Variants in GALNT13 observed in about 807,000 individuals in gnomAD.
The protein encoded by GALNT13 is UDP-GalNAc:polypeptide N-acetylgalactosaminyltransferase 13.
Under a neutral mutation model 64.2 loss-of-function variants are expected in GALNT13, and 28 were observed. The observed-to-expected ratio is 0.44, with a 90% CI of 0.32 to 0.60. GALNT13 has a LOEUF of 0.60. GALNT13 is among the 20% of genes least tolerant of loss of function. GALNT13 has a pLI of 0.05. For missense variants in GALNT13, 577 were observed against 669.8 expected (o/e 0.86, Z 1.53); for synonymous variants, 214 against 224.6 (o/e 0.95, Z 0.42).
At chr2:153,544,227 T>A in the GALNT13 span, among the ~76,000 whole-genome samples, 1 of 152,332 alleles carries the variant, frequency 6.6e-6, no homozygotes, top group East Asian at 1.9e-4. Flanking sequence ...GAATATACGG[T>A]TGCTGCATGA....
intron 8 of GALNT13, among the ~76,000 whole-genome samples, chr2:154,265,060 G>A (rs915969059): frequency 6.6e-6 from 1 of 151,412 alleles, no homozygotes; most frequent in Non-Finnish European, 1.5e-5. Flanking sequence ...GCCAAATATG[G>A]GAAAAATAGA....
intron 3 of GALNT13, among the ~76,000 whole-genome samples, chr2:154,026,594 A>G (rs1032423317): frequency 6.6e-6 from 1 of 152,172 alleles, no homozygotes; most frequent in African/African-American, 2.4e-5. Flanking sequence ...TGCAGTGGTC[A>G]CTTTTTCTCT....
chr2:153,266,673 C>T, the GALNT13 span, among the ~76,000 whole-genome samples: 1 of 152,128 alleles, frequency 6.6e-6, no homozygotes. Context: ...ATGGGGAAAA[C>T]TGCCCCCATG....
At chr2:153,686,478 G>C in the GALNT13 span, among the ~76,000 whole-genome samples, 1 of 151,854 alleles carries the variant, frequency 6.6e-6, no homozygotes, top group East Asian at 1.9e-4. Context: ...AGTGATTTTT[G>C]CACATTGATT....
intron 12 of GALNT13, among the ~76,000 whole-genome samples, chr2:154,450,123 T>C (rs1268987430): frequency 6.6e-6 from 1 of 152,030 alleles, no homozygotes; most frequent in African/African-American, 2.4e-5. Context: ...AGCTCACAAA[T>C]GGGCTTTTTG....
At position 154,014,406 on chromosome 2, in the gene GALNT13, C is replaced by T. The variant is rs373105381; in HGVS notation, c.142+69767C>T. The stretch of plus-strand genomic sequence containing the variant: ...TATTCACTGGGGGCCAGGAGTGGGT[C>T]ACAGGGCTCAACAGCCCCATGCAGG... On this transcript the variant is annotated intron_variant, in intron 3 of 12. Coordinates refer to ENST00000392825, the MANE Select transcript of GALNT13 (RefSeq NM_052917.4). 7.2e-5 allele frequency among the ~76,000 whole-genome samples: 11 copies of T among 152,006 alleles called. 1 individual carries two copies. The South Asian group carries it at 2.1e-3, about 29-fold the overall frequency.
intron 2 of GALNT13, among the ~76,000 whole-genome samples, chr2:153,925,498 C>CTTTTTT (rs35443709): frequency 1.7e-5 from 2 of 117,656 alleles, no homozygotes; most frequent in Non-Finnish European, 3.5e-5. Context: ...AAGCCTCGAG[C>CTTTTTT]TTTTTTTTTT....
chr2:154,388,259 A>C (rs1164473565), intron 9 of GALNT13, among the ~76,000 whole-genome samples: 1 of 152,078 alleles, frequency 6.6e-6, no homozygotes, highest in Non-Finnish European at 1.5e-5. Context: ...ATTTTTAATC[A>C]GGTGTTCTCT....
chr2:153,216,781 A>G, the GALNT13 span, among the ~76,000 whole-genome samples: 1 of 151,956 alleles, frequency 6.6e-6, no homozygotes, highest in African/African-American at 2.4e-5. Flanking sequence ...TATGTCTTTC[A>G]TGGAAAAAAG....
the GALNT13 span, among the ~76,000 whole-genome samples, chr2:153,622,625 G>T: frequency 6.6e-6 from 1 of 152,096 alleles, no homozygotes; most frequent in African/African-American, 2.4e-5. Context: ...TAGAAAAGGA[G>T]TTCAAATATT....
At chr2:153,495,117 A>G in the GALNT13 span, among the ~76,000 whole-genome samples, 1,755 of 152,158 alleles carry the variant, frequency 0.012, 18 homozygotes, top group Non-Finnish European at 0.02. Flanking sequence ...CCCTTTTATT[A>G]CAATGACTAA....
intron 4 of GALNT13, among the ~76,000 whole-genome samples, chr2:154,167,301 C>T (rs1685084947): frequency 6.6e-6 from 1 of 152,074 alleles, no homozygotes; most frequent in African/African-American, 2.4e-5. Context: ...ACAGAAAACA[C>T]CTTGTATATT....
At chr2:153,564,012 C>A in the GALNT13 span, among the ~76,000 whole-genome samples, 1 of 151,992 alleles carries the variant, frequency 6.6e-6, no homozygotes, top group Admixed American at 6.6e-5. Context: ...TGGTGGGTTA[C>A]TTATGGTTTC....
the GALNT13 span, among the ~76,000 whole-genome samples, chr2:153,418,400 T>C: frequency 1.3e-5 from 2 of 152,150 alleles, no homozygotes; most frequent in Non-Finnish European, 2.9e-5. Context: ...CTAAGTTTGT[T>C]GTAATTTGCC....
At position 154,204,999 on chromosome 2, in the gene GALNT13, A is replaced by AT. The variant is rs1353114310; in HGVS notation, c.312-37029dup. ...CTCAGCATATGTCCCATATGTGTAA[A>AT]TTGAATGAGTGATGGATGAATGGGT... On this transcript the variant is annotated intron_variant, in intron 4 of 12. Coordinates refer to ENST00000392825, the MANE Select transcript of GALNT13 (RefSeq NM_052917.4). 3.9e-5 allele frequency among the ~76,000 whole-genome samples: 6 copies of AT among 152,316 alleles called. No homozygotes were observed. In the East Asian group the frequency reaches 1.2e-3, roughly 29 times the overall value.
chr2:154,027,782 A>G (rs1412843404), intron 3 of GALNT13, among the ~76,000 whole-genome samples: 1 of 152,266 alleles, frequency 6.6e-6, no homozygotes, highest in East Asian at 1.9e-4. Flanking sequence ...ATATATCTCC[A>G]GGTATTTTCA....
intron 3 of GALNT13, 110 bp from the exon 4 acceptor site, chr2:154,140,227 A>T: frequency 1.3e-6 from 1 of 741,730 alleles, no homozygotes; most frequent in Non-Finnish European, 2.2e-6. Flanking sequence ...ATATTATAAA[A>T]CCTGTATGTA....
At chr2:153,995,072 C>A (rs993343742) in intron 3 of GALNT13, among the ~76,000 whole-genome samples, 3 of 150,408 alleles carry the variant, frequency 2.0e-5, no homozygotes, top group Non-Finnish European at 4.4e-5. Flanking sequence ...AAGATTTAAG[C>A]TTTCTTAGAT....
chr2:153,120,591 A>G, the GALNT13 span, among the ~76,000 whole-genome samples: 3 of 152,362 alleles, frequency 2.0e-5, 1 homozygote, highest in African/African-American at 4.8e-5. Context: ...CAAGATAACT[A>G]TGATCAAATA....
Sources: allele counts gnomAD v4.1 joint callset (sites outside exome capture counted in the v4.1 genomes callset), GRCh38; gene constraint gnomAD v4.1.1; transcripts MANE v1.5; gene names NCBI Gene and HGNC (gene_info 2026-07-23, HGNC 2026-07-21).